Variants in DLG5 observed in about 807,000 individuals in gnomAD.
DLG5 encodes disks large homolog 5.
Under a neutral mutation model 189.8 loss-of-function variants are expected in DLG5, and 48 were observed. The observed-to-expected ratio is 0.25, with a 90% CI of 0.20 to 0.32. The LOEUF is 0.32. Among genes scored for constraint, DLG5 ranks in the 10% least tolerant of loss-of-function variants. The pLI, the probability that DLG5 is intolerant of heterozygous loss-of-function variation, is 1.00. For synonymous variants in DLG5, 1,016 were observed against 1,054.1 expected, an observed-to-expected ratio of 0.96 and a Z score of 0.70; for missense variants, 2,160 against 2,544.7, an observed-to-expected ratio of 0.85 and a Z score of 3.25.
At chr10:77,797,925 G>A (rs1008369488) in intron 27 of DLG5, among the ~76,000 whole-genome samples, 5 of 152,132 alleles carry the variant, frequency 3.3e-5, no homozygotes, top group Admixed American at 6.6e-5. Context: ...GGTGGCTCAC[G>A]TCTGTAATCC....
chr10:77,853,887 G>C (rs1844102460), intron 4 of DLG5, among the ~76,000 whole-genome samples: 1 of 152,180 alleles, frequency 6.6e-6, no homozygotes, highest in African/African-American at 2.4e-5. Context: ...GGAGACCAAA[G>C]GGAAACACCC....
intron 5 of DLG5, chr10:77,845,567 G>A (rs1285638491): frequency 6.6e-6 from 1 of 151,586 alleles, no homozygotes; most frequent in Non-Finnish European, 1.5e-5. Flanking sequence ...CTCTTAAAGA[G>A]GAAGTCAAGG....
At chr10:77,820,780 A>C (rs1292813192) in intron 15 of DLG5, 1 of 410,532 alleles carries the variant, frequency 2.4e-6, no homozygotes. Context: ...CTAGCCCTTC[A>C]AGGCAAGTCT....
chr10:77,831,165 G>A (rs903353374), intron 9 of DLG5, among the ~76,000 whole-genome samples: 1 of 152,150 alleles, frequency 6.6e-6, no homozygotes, highest in African/African-American at 2.4e-5. Flanking sequence ...AGCACTTTGG[G>A]AGGCCGAGAC....
the DLG5 span, among the ~76,000 whole-genome samples, chr10:77,932,921 T>G: frequency 1.6e-4 from 25 of 152,254 alleles, no homozygotes; most frequent in Non-Finnish European, 3.4e-4. Flanking sequence ...GGTAACATAG[T>G]GAGACTCTGC....
intron 26 of DLG5, 40 bp downstream of exon 26, chr10:77,806,718 A>AGGCCCCCCCCCCCCCC: frequency 3.0e-6 from 4 of 1,333,646 alleles, no homozygotes; most frequent in Non-Finnish European, 4.3e-6. Flanking sequence ...GCCCTCGGCG[A>AGGCCCCCCCCCCCCCC]CCCCTGCCCC....
intron 1 of DLG5, among the ~76,000 whole-genome samples, chr10:77,917,891 G>T (rs1456189001): frequency 2.0e-5 from 3 of 151,550 alleles, no homozygotes; most frequent in Admixed American, 1.3e-4. Context: ...GCCAGGCGTG[G>T]TGGTGGGCAC....
chr10:77,891,198 T>G (rs967665975), intron 1 of DLG5, among the ~76,000 whole-genome samples: 1 of 152,160 alleles, frequency 6.6e-6, no homozygotes, highest in Non-Finnish European at 1.5e-5. Flanking sequence ...TGGCTTCACC[T>G]ATGAGGCTGG....
At chr10:77,825,599 A>G (rs964486590) in intron 13 of DLG5, among the ~76,000 whole-genome samples, 2 of 151,376 alleles carry the variant, frequency 1.3e-5, no homozygotes, top group Non-Finnish European at 2.9e-5. Flanking sequence ...TCTGTCCCTC[A>G]GGCTGAAGTG....
chr10:77,891,287 A>G (rs572722167), intron 1 of DLG5, among the ~76,000 whole-genome samples: 5 of 152,306 alleles, frequency 3.3e-5, no homozygotes, highest in African/African-American at 1.2e-4. Flanking sequence ...TGCTGTTGCC[A>G]TCGTGAAATC....
chr10:77,858,187 C>T (rs1844325399), intron 2 of DLG5, among the ~76,000 whole-genome samples: 2 of 152,172 alleles, frequency 1.3e-5, no homozygotes, highest in South Asian at 4.2e-4. Flanking sequence ...ACTCCAGCAC[C>T]CCCTGAAATG....
intron 22 of DLG5, 44 bp downstream of exon 22, chr10:77,811,880 C>G (rs575052446): frequency 1.3e-6 from 2 of 1,567,418 alleles, no homozygotes; most frequent in South Asian, 1.1e-5. Context: ...CTGCACCCAC[C>G]TCTCCACCCC....
intron 1 of DLG5, among the ~76,000 whole-genome samples, chr10:77,904,296 T>C (rs1038708577): frequency 2.6e-5 from 4 of 152,104 alleles, no homozygotes; most frequent in Non-Finnish European, 4.4e-5. Flanking sequence ...TCCCCAGCCA[T>C]GTGGAACTGT....
At chr10:77,911,182 G>A (rs1846210703) in intron 1 of DLG5, among the ~76,000 whole-genome samples, 1 of 152,024 alleles carries the variant, frequency 6.6e-6, no homozygotes, top group African/African-American at 2.4e-5. Context: ...AGGTTGGAGT[G>A]CACTGGCCCA....
At chr10:77,910,737 C>G (rs751586020) in intron 1 of DLG5, among the ~76,000 whole-genome samples, 13 of 152,074 alleles carry the variant, frequency 8.5e-5, no homozygotes, top group Non-Finnish European at 1.3e-4. Context: ...TTTGGGGGGC[C>G]AAGGCAGGTG....
intron 1 of DLG5, among the ~76,000 whole-genome samples, chr10:77,900,253 A>T (rs368901272): frequency 6.6e-6 from 1 of 151,840 alleles, no homozygotes; most frequent in Admixed American, 6.6e-5. Flanking sequence ...CACAGCCTCT[A>T]CCTCCTCTCC....
At chr10:77,908,089 C>T (rs184352245) in intron 1 of DLG5, among the ~76,000 whole-genome samples, 35 of 152,208 alleles carry the variant, frequency 2.3e-4, no homozygotes, top group Middle Eastern at 6.8e-3. Flanking sequence ...GGACATGAGG[C>T]CTGGAAAGCA....
At chr10:77,892,889 GACAA>G (rs1438235606) in intron 1 of DLG5, among the ~76,000 whole-genome samples, 1 of 152,260 alleles carries the variant, frequency 6.6e-6, no homozygotes, top group East Asian at 1.9e-4. Context: ...ACCAGCCAAG[GACAA>G]ACAAAGCTGA....
chr10:77,934,842 C>CTTTTTTTTTTTTTTTT, the DLG5 span, among the ~76,000 whole-genome samples: 5 of 145,032 alleles, frequency 3.4e-5, no homozygotes, highest in African/African-American at 1.1e-4. Flanking sequence ...GGGTGCTGTT[C>CTTTTTTTTTTTTTTTT]TTTTTTTTTG....
Sources: gnomAD v4.1 joint callset for allele counts (sites outside exome capture counted in the v4.1 genomes callset) on GRCh38, gnomAD v4.1.1 for gene constraint, MANE v1.5 for transcripts, NCBI Gene and HGNC (gene_info 2026-07-23, HGNC 2026-07-21) for gene names.